The following NRXN2 variants were observed in gnomAD, a reference collection of about 807,000 sequenced individuals.
NRXN2 encodes the protein neurexin 2.
In NRXN2, 29 loss-of-function variants were observed where a neutral mutation model predicts 128.8. That is an observed-to-expected ratio of 0.23 (90% CI 0.17 to 0.31). The LOEUF is 0.31. Among genes scored for constraint, NRXN2 ranks in the 10% least tolerant of loss-of-function variants. NRXN2 has a pLI of 1.00. For synonymous variants in NRXN2, 1,098 were observed against 1,075.2 expected (o/e 1.02, Z -0.41); for missense variants, 1,881 against 2,452.6 (o/e 0.77, Z 4.92).
chr11:64,679,404 G>A (rs1041510267), intron 6 of NRXN2, among the ~76,000 whole-genome samples: 5 of 152,124 alleles, frequency 3.3e-5, no homozygotes, highest in Non-Finnish European at 5.9e-5. Flanking sequence ...TTGGGAGGCC[G>A]AGGCAGGCGG....
At position 64,630,719 on chromosome 11, in the gene NRXN2, C is replaced by G. The variant is rs546405332; in HGVS notation, c.3586-146G>C. On this transcript the variant is annotated intron_variant, in intron 18 of 22. Transcript: ENST00000265459. The surrounding 1 kb of genome is among the most constrained non-coding windows in gnomAD (Gnocchi z 4.6). Reference sequence around the variant, plus strand: ...TCAACCGCTGGAGGAGGTGGGCAGGCTCGCTCCCCTTCCCCACATGCAAGG... The same window carrying G: ...TCAACCGCTGGAGGAGGTGGGCAGGGTCGCTCCCCTTCCCCACATGCAAGG... The G allele has an allele frequency of 1.4e-5, 13 of 899,252 alleles. 1 individual carries two copies. The South Asian group carries it at 1.9e-4, about 13-fold the overall frequency. 55.7% of individuals were successfully genotyped at this position (899,252 alleles called of 1,614,324 possible).
At chr11:64,682,315 T>C (rs2052422163) in intron 6 of NRXN2, among the ~76,000 whole-genome samples, 1 of 150,202 alleles carries the variant, frequency 6.7e-6, no homozygotes, top group South Asian at 2.1e-4. Context: ...CAGACTCTAT[T>C]CTTGGGGACT....
chr11:64,710,714 C>T (rs138079351), intron 2 of NRXN2, among the ~76,000 whole-genome samples: 3 of 152,222 alleles, frequency 2.0e-5, no homozygotes, highest in Admixed American at 6.5e-5. Context: ...TCATGCAATC[C>T]GGCTGTCTTA....
intron 19 of NRXN2, among the ~76,000 whole-genome samples, chr11:64,628,501 C>A (rs2043401239): frequency 6.6e-6 from 1 of 152,102 alleles, no homozygotes; most frequent in South Asian, 2.1e-4. Context: ...CGGGGGCACC[C>A]AGCAGCCTTT....
intron 19 of NRXN2, among the ~76,000 whole-genome samples, chr11:64,628,383 C>T (rs554865351): frequency 7.9e-5 from 12 of 152,302 alleles, no homozygotes; most frequent in African/African-American, 2.4e-4. Context: ...GGTCCCCCCC[C>T]ACTCTGGGCC....
rs548805190 is a variant in NRXN2 at position 64,615,196 on chromosome 11, C to T, written c.4252+5098G>A. ...AATCTTCCACTTCACAACTCCATGC[C>T]GGGTCCCCTTCCACCACAACTCAGG... is the stretch of plus-strand genomic sequence containing the variant. On this transcript the variant is annotated intron_variant, in intron 22 of 22. Transcript: ENST00000265459. Among the ~76,000 whole-genome samples, 144 of 152,346 alleles carry T rather than the reference C, an allele frequency of 9.5e-4. 1 individual carries two copies. Among genetic ancestry groups the T allele is most frequent in the Non-Finnish European group, 7.3e-4 (50 of 68,032 alleles).
At chr11:64,634,134 C>T (rs78558608) in intron 18 of NRXN2, among the ~76,000 whole-genome samples, 135 of 152,312 alleles carry the variant, frequency 8.9e-4, no homozygotes, top group Non-Finnish European at 1.8e-3. Context: ...TTCCAACTAA[C>T]TATGCCCTCC....
In NRXN2 at chr11:64,667,395, G is replaced by A. The variant is rs374777953; in HGVS notation, c.1653C>T (p.Ala551=). The stretch of plus-strand genomic sequence containing the variant: ...CCAATAGCTCCATGGCAAAGTAGTC[G>A]GCCCGCTGAGCAGAGCTGTGGCTGC... ...GAGSHSSAQR[A]DYFAMELLDG... Residue 551 remains alanine, a synonymous_variant, in exon 9 of 23, where the codon GCC becomes GCT. Coordinates refer to ENST00000265459, the MANE Select transcript of NRXN2 (RefSeq NM_015080.4). The surrounding 1 kb of genome is among the most constrained non-coding windows in gnomAD (Gnocchi z 5.6). 6.8e-5 allele frequency: 109 copies of A among 1,614,184 alleles called. No individual in the cohort carries two copies. Among genetic ancestry groups the A allele is most frequent in the Middle Eastern group, 1.6e-4 (1 of 6,062 alleles).
chr11:64,667,663 T>C lies in NRXN2; in HGVS notation c.1385A>G (p.Lys462Arg), dbSNP rs1189370700. 5 of 1,613,992 alleles carry C rather than the reference T, an allele frequency of 3.1e-6. No individual in the cohort carries two copies. Among genetic ancestry groups the C allele is most frequent in the African/African-American group, 2.7e-5 (2 of 74,898 alleles). ...CTTTGCCAGGCGGGATAGTTCCAAT[T>C]TGAAGTCATTGTTCTTATAGACCAC... ...KDVVYKNNDF[K>R]LELSRLAKEG... The change falls in exon 9 of 23, where the codon AAA (lysine) becomes AGA (arginine). Residue 462 changes from lysine to arginine, a missense_variant. Physicochemically the swap from Lys to Arg is conservative, Grantham distance 26 (BLOSUM62 2). Transcript: ENST00000265459. The surrounding 1 kb of genome is among the most constrained non-coding windows in gnomAD (Gnocchi z 5.6).
At chr11:64,690,166 A>G (rs2053603730) in intron 5 of NRXN2, among the ~76,000 whole-genome samples, 1 of 152,256 alleles carries the variant, frequency 6.6e-6, no homozygotes, top group South Asian at 2.1e-4. Context: ...CCTGTGTTCT[A>G]GAAAGAAGTC....
chr11:64,666,159 A>G (rs2049823730), intron 9 of NRXN2, among the ~76,000 whole-genome samples: 1 of 151,702 alleles, frequency 6.6e-6, no homozygotes, highest in Middle Eastern at 3.5e-3. Flanking sequence ...AACCTTGGAC[A>G]CCATCTGGCA....
chr11:64,665,742 G>A (rs911496397), intron 9 of NRXN2, among the ~76,000 whole-genome samples: 33 of 152,298 alleles, frequency 2.2e-4, no homozygotes, highest in Non-Finnish European at 4.4e-4. Context: ...ACAGGCGGAG[G>A]AGCACAAAAA....
chr11:64,703,594 C>T (rs987279394), intron 2 of NRXN2, among the ~76,000 whole-genome samples: 11 of 152,196 alleles, frequency 7.2e-5, no homozygotes, highest in African/African-American at 2.7e-4. Context: ...ACACAACCAA[C>T]TTTGTCTCTT....
Position 64,667,116 on chromosome 11 carries a change from G to T in NRXN2, c.1798+134C>A. 1 of 885,782 alleles carries T rather than the reference G, an allele frequency of 1.1e-6. No homozygotes were observed. The highest frequency in any genetic ancestry group is 1.8e-6 in the Non-Finnish European group (1 of 553,780). 54.9% of individuals were successfully genotyped at this position (885,782 alleles called of 1,614,324 possible). ...AAGGACAATTGGGAAGACGTGAGGG[G>T]GGTGGAGGAGAAGCGGCAGGGAAGA... On this transcript the variant is annotated intron_variant, in intron 9 of 22. Coordinates refer to ENST00000265459, the MANE Select transcript of NRXN2 (RefSeq NM_015080.4). The surrounding 1 kb of genome is among the most constrained non-coding windows in gnomAD (Gnocchi z 5.6).
intron 9 of NRXN2, chr11:64,661,498 C>T: frequency 2.5e-6 from 2 of 796,050 alleles, no homozygotes; most frequent in Non-Finnish European, 3.3e-6. Context: ...CTGGGTCATT[C>T]CTGCCAGCCA....
intron 6 of NRXN2, among the ~76,000 whole-genome samples, chr11:64,678,233 C>T (rs1007060214): frequency 1.3e-5 from 2 of 151,852 alleles, no homozygotes; most frequent in African/African-American, 2.4e-5. Flanking sequence ...TATTCCAGAC[C>T]CTCTTCCCTC....
Position 64,668,519 on chromosome 11 carries a change from T to C in NRXN2, c.1283A>G (p.Tyr428Cys), listed in dbSNP as rs968154621. 1 of 1,614,120 alleles carries C rather than the reference T, an allele frequency of 6.2e-7. No homozygotes were observed. The highest frequency in any genetic ancestry group is 1.1e-5 in the South Asian group (1 of 91,088). ...AGCTGTGTTGGGGCTGCCCCCAATGTAGAAGAAGTCATCAGAGCCCAGCAT... is the reference window on the plus strand; with the variant it reads ...AGCTGTGTTGGGGCTGCCCCCAATGCAGAAGAAGTCATCAGAGCCCAGCAT... ...YTMLGSDDFF[Y>C]IGGSPNTADL... The change falls in exon 8 of 23, where the codon TAC (tyrosine) becomes TGC (cysteine). Residue 428 changes from tyrosine to cysteine, a missense_variant. Physicochemically the swap from Tyr to Cys is radical, Grantham distance 194. This residue lies in a region of NRXN2 where 997 missense variants were observed against 1,240.8 expected (regional missense o/e 0.80). Coordinates refer to ENST00000265459, the MANE Select transcript of NRXN2 (RefSeq NM_015080.4).
intron 9 of NRXN2, among the ~76,000 whole-genome samples, chr11:64,664,150 T>TGTACTTAACATCACTGAACTGC (rs1472542133): frequency 2.6e-5 from 4 of 152,134 alleles, no homozygotes; most frequent in Non-Finnish European, 5.9e-5. Context: ...ACAATATAAG[T>TGTACTTAACATCACTGAACTGC]GTACTTAACA....
chr11:64,682,526 C>T (rs2052459235), intron 6 of NRXN2, among the ~76,000 whole-genome samples: 1 of 151,098 alleles, frequency 6.6e-6, no homozygotes, highest in Admixed American at 6.5e-5. Context: ...TCCTTGAGGA[C>T]TGCATCCTTG....
Sources: gnomAD v4.1 joint callset for allele counts (sites outside exome capture counted in the v4.1 genomes callset) on GRCh38, gnomAD v4.1.1 for gene constraint, gnomAD v4.1.1 regional missense constraint, Gnocchi (gnomAD v3.1) non-coding constraint, MANE v1.5 for transcripts, NCBI Gene and HGNC (gene_info 2026-07-23, HGNC 2026-07-21) for gene names.